Variants in TOP6BL observed in about 807,000 individuals in gnomAD.
TOP6BL encodes TOP6B like initiator of meiotic double strand breaks, also known as type 2 DNA topoisomerase 6 subunit B-like.
the TOP6BL span, chr11:66,843,381 A>C: frequency 7.0e-7 from 1 of 1,431,258 alleles, no homozygotes; most frequent in Non-Finnish European, 9.1e-7. Flanking sequence ...CGGGGCGTGG[A>C]GCCGCGCCGC....
chr11:66,789,433 C>T, the TOP6BL span, among the ~76,000 whole-genome samples: 1 of 152,172 alleles, frequency 6.6e-6, no homozygotes, highest in Non-Finnish European at 1.5e-5. Context: ...AGCCCTTGGG[C>T]AGCCTTTCTC....
chr11:66,794,532 C>A, the TOP6BL span, among the ~76,000 whole-genome samples: 1 of 152,112 alleles, frequency 6.6e-6, no homozygotes, highest in Non-Finnish European at 1.5e-5. Flanking sequence ...AATCCAGATC[C>A]TGCACAATCT....
chr11:66,830,216 A>G, the TOP6BL span, among the ~76,000 whole-genome samples: 2 of 152,242 alleles, frequency 1.3e-5, no homozygotes, highest in African/African-American at 4.8e-5. Flanking sequence ...GTTTCTGACT[A>G]TAATAGAATT....
chr11:66,800,709 G>A, the TOP6BL span: 297 of 1,586,356 alleles, frequency 1.9e-4, 2 homozygotes, highest in South Asian at 3.3e-3. Context: ...AAGTTCTTAG[G>A]TCTATGGCTT....
the TOP6BL span, chr11:66,758,972 C>A: frequency 8.6e-7 from 1 of 1,161,258 alleles, no homozygotes; most frequent in Non-Finnish European, 1.2e-6. Flanking sequence ...GTTTTTTAGA[C>A]TCTCATTTGA....
the TOP6BL span, among the ~76,000 whole-genome samples, chr11:66,829,584 A>C: frequency 7.0e-6 from 1 of 142,628 alleles, no homozygotes; most frequent in Non-Finnish European, 1.6e-5. Context: ...GAAAAAAAAA[A>C]AACAAAACCA....
the TOP6BL span, among the ~76,000 whole-genome samples, chr11:66,760,235 G>T: frequency 7.2e-6 from 1 of 138,730 alleles, no homozygotes; most frequent in African/African-American, 2.6e-5. Flanking sequence ...AGATTACCTA[G>T]GTCAGGAGTT....
At chr11:66,753,440 T>C in the TOP6BL span, among the ~76,000 whole-genome samples, 5 of 143,546 alleles carry the variant, frequency 3.5e-5, no homozygotes, top group Non-Finnish European at 7.5e-5. Context: ...AGAGTCTCAC[T>C]CTGTCACCCA....
the TOP6BL span, among the ~76,000 whole-genome samples, chr11:66,760,801 C>CACAA: frequency 2.6e-5 from 4 of 151,504 alleles, no homozygotes; most frequent in Non-Finnish European, 4.4e-5. Flanking sequence ...AAGACTTGGT[C>CACAA]ACAAACAAAC....
the TOP6BL span, among the ~76,000 whole-genome samples, chr11:66,798,657 C>T: frequency 6.8e-6 from 1 of 147,572 alleles, no homozygotes. Context: ...GGCAAAGAGG[C>T]AGGGATGATT....
At chr11:66,778,818 T>C in the TOP6BL span, among the ~76,000 whole-genome samples, 12 of 152,062 alleles carry the variant, frequency 7.9e-5, no homozygotes, top group Admixed American at 2.6e-4. Context: ...AACAGAGATA[T>C]AGACCAATGG....
At chr11:66,823,086 G>A in the TOP6BL span, among the ~76,000 whole-genome samples, 7 of 152,056 alleles carry the variant, frequency 4.6e-5, no homozygotes, top group Admixed American at 3.3e-4. Context: ...CCTGAGGTCG[G>A]GAGTTTGAGA....
At chr11:66,822,757 A>T in the TOP6BL span, 1 of 951,146 alleles carries the variant, frequency 1.1e-6, no homozygotes, top group African/African-American at 1.6e-5. Flanking sequence ...TAATCGCAGC[A>T]CTTTGGGAGG....
At chr11:66,809,249 TAAAATC>T in the TOP6BL span, among the ~76,000 whole-genome samples, 1 of 152,214 alleles carries the variant, frequency 6.6e-6, no homozygotes, top group African/African-American at 2.4e-5. Flanking sequence ...AGAAGAATCT[TAAAATC>T]AGTCAGGAGG....
chr11:66,828,316 G>C, the TOP6BL span: 4 of 1,613,884 alleles, frequency 2.5e-6, no homozygotes, highest in Non-Finnish European at 3.4e-6. Flanking sequence ...TATTTCGTGA[G>C]ATCACCCAAC....
chr11:66,793,120 C>T, the TOP6BL span, among the ~76,000 whole-genome samples: 1 of 151,284 alleles, frequency 6.6e-6, no homozygotes, highest in African/African-American at 2.4e-5. Context: ...TGGAGTCTCA[C>T]TCTGTCACCC....
At chr11:66,784,017 TTTTTGTTTTG>T in the TOP6BL span, among the ~76,000 whole-genome samples, 14 of 151,554 alleles carry the variant, frequency 9.2e-5, no homozygotes, top group East Asian at 1.9e-4. Flanking sequence ...TTTTTTTTGG[TTTTTGTTTTG>T]TTTTGTTTTG....
the TOP6BL span, among the ~76,000 whole-genome samples, chr11:66,769,475 G>C: frequency 6.7e-6 from 1 of 149,562 alleles, no homozygotes; most frequent in South Asian, 2.1e-4. Flanking sequence ...GAAAATGAAG[G>C]TCTCTAGTTC....
the TOP6BL span, chr11:66,762,420 T>A: frequency 3.1e-6 from 1 of 324,586 alleles, no homozygotes; most frequent in Non-Finnish European, 5.7e-6. Context: ...ACTGCGAACA[T>A]GTGCGGATGC....
Sources: allele counts gnomAD v4.1 joint callset (sites outside exome capture counted in the v4.1 genomes callset), GRCh38; gene constraint gnomAD v4.1.1; transcripts MANE v1.5; gene names NCBI Gene and HGNC (gene_info 2026-07-23, HGNC 2026-07-21).